Variants in COL11A1 observed in about 807,000 individuals in gnomAD.
COL11A1 encodes collagen alpha-1(XI) chain.
COL11A1 carries 74 observed loss-of-function variants against 265.2 expected under a neutral mutation model. That is an observed-to-expected ratio of 0.28 (90% confidence interval 0.23 to 0.34). The LOEUF is 0.34. Among genes scored for constraint, COL11A1 ranks in the 10% least tolerant of loss-of-function variants. The pLI, the probability that COL11A1 is intolerant of heterozygous loss-of-function variation, is 1.00. For missense variants in COL11A1, 2,165 were observed against 2,263.6 expected (o/e 0.96, Z 0.88); for synonymous variants, 816 against 727.6 (o/e 1.12, Z -1.96).
Position 102,914,726 on chromosome 1 carries a change from T to A in COL11A1, c.3902A>T (p.Asp1301Val). Residue 1301 changes from aspartate (D) to valine (V), a missense_variant, in exon 51 of 67, where the codon GAT (aspartate) becomes GTT (valine). Asp to Val is a radical substitution (Grantham distance 152). Coordinates refer to ENST00000370096, the MANE Select transcript of COL11A1 (RefSeq NM_001854.4). ...TACCGGGTTACCCTTAGGGCCATCA[T>A]CACCTGGTGGCCCCTTGGCACCTGG... ...GPPGAKGPPG[D>V]DGPKGNPGPV... 1.2e-6 allele frequency: 2 copies of A among 1,612,654 alleles called. No homozygotes were observed. The highest frequency in any genetic ancestry group is 2.2e-5 in the South Asian group (2 of 90,988).
At chr1:103,005,184 T>C (rs2252146) in intron 18 of COL11A1, among the ~76,000 whole-genome samples, 1 of 152,054 alleles carries the variant, frequency 6.6e-6, no homozygotes, top group Admixed American at 6.5e-5. Flanking sequence ...TTTCTTTCCT[T>C]TTACTATTTT....
intron 46 of COL11A1, among the ~76,000 whole-genome samples, chr1:102,933,552 G>A (rs1657776027): frequency 6.6e-6 from 1 of 152,182 alleles, no homozygotes; most frequent in Non-Finnish European, 1.5e-5. Context: ...GTTTGTCAGT[G>A]CTCTGCCCCC....
chr1:103,031,035 A>C, intron 5 of COL11A1, 81 bp downstream of exon 5: 2 of 1,480,790 alleles, frequency 1.4e-6, no homozygotes, highest in East Asian at 4.6e-5. Context: ...AAATGGAATA[A>C]ATAAGTATAA....
At chr1:103,072,594 G>A (rs182912455) in intron 4 of COL11A1, among the ~76,000 whole-genome samples, 74 of 151,726 alleles carry the variant, frequency 4.9e-4, no homozygotes, top group African/African-American at 1.7e-3. Flanking sequence ...AAACATACTC[G>A]AATAAGTTTT....
Position 102,878,029 on chromosome 1 carries a change from A to C in COL11A1, c.5411T>G (p.Phe1804Cys). The change falls in exon 67 of 67, where the codon TTT becomes TGT. Residue 1804 changes from phenylalanine (F) to cysteine (C), a missense_variant. Phe to Cys is a radical substitution (Grantham distance 205). Coordinates refer to ENST00000370096, the MANE Select transcript of COL11A1 (RefSeq NM_001854.4). The part of the protein sequence containing the change: ...KFGFEVGPVC[F>C]LG The stretch of plus-strand genomic sequence containing the variant: ...TTCTTTGTCTTAATCTTAGCCAAGA[A>C]AACAAACAGGACCAACTTCAAATCC... The C allele has an allele frequency of 6.2e-7, 1 of 1,613,554 alleles. No individual in the cohort carries two copies. The highest frequency in any genetic ancestry group is 8.5e-7 in the Non-Finnish European group (1 of 1,179,638).
rs752478007 is a variant in COL11A1, at chr1:102,934,471, G to T, written c.3578C>A (p.Pro1193His). ...GDEGARGFPGPPGPIGLQGLP... is the reference protein window; with the variant it reads ...GDEGARGFPGHPGPIGLQGLP... ...TACCTGAAGACCTATTGGACCAGGA[G>T]GTCCAGGGAAGCCTCTGGCACCCTC... is the stretch of plus-strand genomic sequence containing the variant. Residue 1193 changes from proline to histidine, a missense_variant, in exon 46 of 67, where the codon CCT becomes CAT. Pro to His is a moderately conservative substitution (Grantham distance 77, BLOSUM62 -2). Transcript: ENST00000370096. 1 of 1,613,564 alleles carries T rather than the reference G, an allele frequency of 6.2e-7. No homozygotes were observed. The highest frequency in any genetic ancestry group is 1.1e-5 in the South Asian group (1 of 91,068).
intron 32 of COL11A1, 48 bp downstream of exon 32, chr1:102,979,334 G>A: frequency 7.0e-7 from 1 of 1,429,942 alleles, no homozygotes; most frequent in Non-Finnish European, 9.8e-7. Context: ...ACTATGTCCA[G>A]CTAAGAACAC....
At chr1:102,931,772 G>T (rs936978920) in intron 46 of COL11A1, among the ~76,000 whole-genome samples, 4 of 151,794 alleles carry the variant, frequency 2.6e-5, no homozygotes, top group African/African-American at 9.7e-5. Flanking sequence ...GAATCTTGGT[G>T]CTCCTGTATT....
At chr1:103,062,114 C>T (rs938640916) in intron 4 of COL11A1, among the ~76,000 whole-genome samples, 1 of 151,794 alleles carries the variant, frequency 6.6e-6, no homozygotes, top group South Asian at 2.1e-4. Context: ...TTGGTAGATC[C>T]AATCTGTAAA....
intron 1 of COL11A1, among the ~76,000 whole-genome samples, chr1:103,107,307 C>T (rs1195979026): frequency 2.6e-5 from 4 of 151,720 alleles, no homozygotes; most frequent in Admixed American, 2.0e-4. Flanking sequence ...CCTAGTCCTC[C>T]GCCCCCACCC....
Position 102,888,633 on chromosome 1 carries a change from G to A in COL11A1, c.4555-3C>T. The A allele has an allele frequency of 5.0e-6, 8 of 1,613,816 alleles. 1 individual carries two copies. In the South Asian group the frequency reaches 8.8e-5, roughly 18 times the overall value. The stretch of plus-strand genomic sequence containing the variant: ...TCACCTTTCTGGCCAGCGGGTCCCT[G>A]TTAGAAAGAAGAGAGAGGACATAAA... On this transcript the variant is annotated splice_region_variant and splice_polypyrimidine_tract_variant and intron_variant, in intron 61 of 66. Transcript: ENST00000370096.
intron 44 of COL11A1, among the ~76,000 whole-genome samples, chr1:102,937,850 G>A (rs1658309791): frequency 1.3e-5 from 2 of 152,084 alleles, no homozygotes; most frequent in Non-Finnish European, 1.5e-5. Context: ...ACACAAAACA[G>A]ACTAAGGCAG....
chr1:103,040,295 CAG>C, intron 4 of COL11A1, among the ~76,000 whole-genome samples: 1 of 150,800 alleles, frequency 6.6e-6, no homozygotes, highest in East Asian at 1.9e-4. Flanking sequence ...TATATATAGA[CAG>C]AGTTCAAATA....
intron 5 of COL11A1, 60 bp downstream of exon 5, chr1:103,031,056 T>C: frequency 6.3e-7 from 1 of 1,584,308 alleles, no homozygotes; most frequent in African/African-American, 1.3e-5. Context: ...GTTCAAAAAC[T>C]GCACTGCGAT....
At chr1:103,044,642 CAG>C (rs1669103118) in intron 4 of COL11A1, among the ~76,000 whole-genome samples, 1 of 152,064 alleles carries the variant, frequency 6.6e-6, no homozygotes, top group Non-Finnish European at 1.5e-5. Flanking sequence ...AAAAAGGTAA[CAG>C]ATCTTGCTTC....
intron 1 of COL11A1, among the ~76,000 whole-genome samples, chr1:103,092,168 T>C (rs1381794310): frequency 6.6e-6 from 1 of 152,206 alleles, no homozygotes; most frequent in African/African-American, 2.4e-5. Flanking sequence ...TTCTAACCTA[T>C]TTAGGGATTG....
intron 30 of COL11A1, among the ~76,000 whole-genome samples, chr1:102,986,307 G>GC (rs1663540394): frequency 6.6e-6 from 1 of 150,440 alleles, no homozygotes; most frequent in African/African-American, 2.4e-5. Flanking sequence ...GCAAACTATC[G>GC]CAAGGACAAA....
intron 12 of COL11A1, among the ~76,000 whole-genome samples, chr1:103,015,219 T>C (rs1222526581): frequency 6.6e-6 from 1 of 151,994 alleles, no homozygotes; most frequent in Non-Finnish European, 1.5e-5. Context: ...TGCATTTTTT[T>C]CCCAAAACAC....
chr1:102,992,803 C>T (rs967171939), intron 28 of COL11A1, among the ~76,000 whole-genome samples: 1 of 151,952 alleles, frequency 6.6e-6, no homozygotes, highest in African/African-American at 2.4e-5. Flanking sequence ...TCAAATGAGG[C>T]TCAGAAAAAG....
Sources: allele counts gnomAD v4.1 joint callset (sites outside exome capture counted in the v4.1 genomes callset), GRCh38; gene constraint gnomAD v4.1.1; transcripts MANE v1.5; gene names NCBI Gene and HGNC (gene_info 2026-07-23, HGNC 2026-07-21).